HMGXB3: variants seen among roughly 807,000 people sequenced by gnomAD.
HMGXB3 encodes HMG-box containing 3.
HMGXB3 carries 45 observed loss-of-function variants against 121.5 expected under a neutral mutation model. The observed-to-expected ratio is 0.37, with a 90% CI of 0.29 to 0.47. The LOEUF is 0.47. Among genes scored for constraint, HMGXB3 ranks in the 20% least tolerant of loss-of-function variants. HMGXB3 has a pLI of 0.99. For synonymous variants in HMGXB3, 590 were observed against 624.1 expected, an observed-to-expected ratio of 0.95 and a Z score of 0.81; for missense variants, 1,376 against 1,602.2, an observed-to-expected ratio of 0.86 and a Z score of 2.41.
chr5:150,029,383 G>C (rs1229084112), intron 9 of HMGXB3, among the ~76,000 whole-genome samples: 1 of 151,124 alleles, frequency 6.6e-6, no homozygotes, highest in African/African-American at 2.4e-5. Flanking sequence ...TTATAATGAG[G>C]TTTGAGGGAG....
At chr5:150,002,916 G>A (rs1222839253) in intron 1 of HMGXB3, among the ~76,000 whole-genome samples, 1 of 152,192 alleles carries the variant, frequency 6.6e-6, no homozygotes, top group Non-Finnish European at 1.5e-5. Flanking sequence ...GCCAAGGCAG[G>A]AGGATTGCTT....
chr5:150,012,300 A>C lies in HMGXB3; in HGVS notation c.856A>C (p.Met286Leu), dbSNP rs956208478. The C allele has an allele frequency of 1.5e-5, 24 of 1,552,168 alleles. No homozygotes were observed. The highest frequency in any genetic ancestry group is 4.9e-5 in the East Asian group (2 of 40,914). The change falls in exon 5 of 20, where the codon ATG (methionine) becomes CTG (leucine). Residue 286 changes from methionine to leucine, a missense_variant. Met to Leu is a conservative substitution (Grantham distance 15). Around this residue, in one of 2 missense-constraint regions of HMGXB3, gnomAD observed 1,116 missense variants for 1,369.0 expected, o/e 0.82. Coordinates refer to ENST00000502717, the MANE Select transcript of HMGXB3 (RefSeq NM_014983.3). ...SSSAPATQFIMLPLPAYSVVE... is the reference protein window; with the variant it reads ...SSSAPATQFILLPLPAYSVVE... ...CTCTGCACCAGCCACACAGTTCATC[A>C]TGTTGCCTCTGCCTGCCTACTCGGT...
rs575298409 is a variant in HMGXB3 at position 150,010,245 on chromosome 5, A to G, written c.447A>G (p.Leu149=). The part of the protein sequence containing the change: ...QEDRSCPQLE[L]CVAQNQMSPK... The stretch of plus-strand genomic sequence containing the variant: ...ACCGGAGCTGCCCTCAGCTAGAGCT[A>G]TGTGTGGCTCAGAACCAGATGTCCC... The change falls in exon 4 of 20, where the codon CTA becomes CTG. Residue 149 remains leucine (L), a synonymous_variant. Transcript: ENST00000502717. 206 of 1,551,838 alleles carry G rather than the reference A, an allele frequency of 1.3e-4. 1 individual carries two copies. The South Asian group carries it at 2.2e-3, about 17-fold the overall frequency.
intron 16 of HMGXB3, among the ~76,000 whole-genome samples, chr5:150,046,681 G>A (rs1040127366): frequency 1.3e-5 from 2 of 152,018 alleles, no homozygotes; most frequent in African/African-American, 4.8e-5. Flanking sequence ...GCATGGTGGC[G>A]GGCGCCTGTA....
chr5:150,004,786 C>A, intron 1 of HMGXB3, 65 bp from the exon 2 acceptor site: 2 of 1,122,796 alleles, frequency 1.8e-6, no homozygotes, highest in Non-Finnish European at 1.3e-6. Flanking sequence ...GTTATTTGAT[C>A]AGGAAGCTGC....
At chr5:150,002,710 G>A (rs1755602391) in intron 1 of HMGXB3, among the ~76,000 whole-genome samples, 2 of 151,596 alleles carry the variant, frequency 1.3e-5, no homozygotes, top group Admixed American at 6.6e-5. Context: ...AGTTTTTTAT[G>A]CCTCTTTTCC....
intron 5 of HMGXB3, chr5:150,014,811 G>A: frequency 2.3e-6 from 1 of 438,668 alleles, no homozygotes; most frequent in Non-Finnish European, 4.1e-6. Context: ...TAACTTGGGA[G>A]GTGGGGGAAC....
intron 5 of HMGXB3, among the ~76,000 whole-genome samples, 188 bp downstream of exon 5, chr5:150,012,541 TGG>T (rs1377178333): frequency 6.6e-6 from 1 of 152,188 alleles, no homozygotes; most frequent in African/African-American, 2.4e-5. Context: ...ATGTTCTTAA[TGG>T]GGGTGAGGGG....
chr5:150,041,798 C>G lies in HMGXB3; in HGVS notation c.2559C>G (p.Thr853=). The change falls in exon 15 of 20, where the codon ACC becomes ACG. Residue 853 remains threonine, a synonymous_variant. Coordinates refer to ENST00000502717, the MANE Select transcript of HMGXB3 (RefSeq NM_014983.3). The stretch of plus-strand genomic sequence containing the variant: ...CTCTTCTTTCAGAGAAGACTCTGAC[C>G]TCGGAGGAGCTGAGCCAGCTGCAGG... ...SVQEQTEKTL[T]SEELSQLQEL... The G allele has an allele frequency of 6.4e-7, 1 of 1,551,316 alleles. No homozygotes were observed. The highest frequency in any genetic ancestry group is 1.2e-5 in the South Asian group (1 of 84,036).
Position 150,001,133 on chromosome 5 carries a change from C to G in HMGXB3, c.-49C>G, listed in dbSNP as rs1455778983. ...CATCCCCCTCGTCCAGCCGCCGGGC[C>G]AAGCGCCTCCGGGAATGTGAGCGGC... On this transcript the variant is annotated 5_prime_UTR_variant, in exon 1 of 20. Coordinates refer to ENST00000502717, the MANE Select transcript of HMGXB3 (RefSeq NM_014983.3). The G allele has an allele frequency of 1.3e-5, 2 of 153,842 alleles. No homozygotes were observed. The highest frequency in any genetic ancestry group is 2.4e-5 in the African/African-American group (1 of 41,524). 9.5% of individuals were successfully genotyped at this position (153,842 alleles called of 1,614,324 possible).
rs373532358 is a variant in HMGXB3 at position 150,040,920 on chromosome 5, G to T, written c.2545+41G>T. 10 of 1,487,566 alleles carry T rather than the reference G, an allele frequency of 6.7e-6. No homozygotes were observed. The East Asian group carries it at 1.0e-4, about 16-fold the overall frequency. The allele number at this position is 1,487,566 out of a possible 1,614,324, so 92.1% of individuals were successfully genotyped here. On this transcript the variant is annotated intron_variant, in intron 14 of 19. Coordinates refer to ENST00000502717, the MANE Select transcript of HMGXB3 (RefSeq NM_014983.3). The stretch of plus-strand genomic sequence containing the variant: ...TTCCCTTTCCCAAGGTTAGTCCTAA[G>T]CTCCCTCGGAATTTTCAGTGATGGC...
rs2113717029 is a variant in HMGXB3 at position 150,001,088 on chromosome 5, G to T, written c.-94G>T. The T allele has an allele frequency of 6.5e-6, 1 of 154,410 alleles. No individual in the cohort carries two copies. The highest frequency in any genetic ancestry group is 1.9e-4 in the East Asian group (1 of 5,170). 9.6% of individuals were successfully genotyped at this position (154,410 alleles called of 1,614,324 possible). ...CTGGAGCCGCCTCTCGCCGACAGCG[G>T]GGAGCGCGAGTGCGCCAGCCATCCC... On this transcript the variant is annotated 5_prime_UTR_variant, in exon 1 of 20. Transcript: ENST00000502717.
In HMGXB3 at chr5:150,024,489, C is replaced by G. The variant is rs61740534; in HGVS notation, c.1269C>G (p.Ala423=). Residue 423 remains alanine (A), a synonymous_variant, in exon 7 of 20, where the codon GCC becomes GCG. Transcript: ENST00000502717. Reference sequence around the variant, plus strand: ...GGGAGGAAGTGATCATCTCCGATGCCCATGTTTTGGTTAAGGAAGCTCCCG... The same window carrying G: ...GGGAGGAAGTGATCATCTCCGATGCGCATGTTTTGGTTAAGGAAGCTCCCG... ...SEWEEVIISD[A]HVLVKEAPGN... 2 of 1,551,516 alleles carry G rather than the reference C, an allele frequency of 1.3e-6. No individual in the cohort carries two copies. Among genetic ancestry groups the G allele is most frequent in the African/African-American group, 2.7e-5 (2 of 73,010 alleles).
chr5:150,021,081 T>C (rs1333015295), intron 6 of HMGXB3, among the ~76,000 whole-genome samples: 4 of 152,202 alleles, frequency 2.6e-5, no homozygotes, highest in African/African-American at 9.7e-5. Flanking sequence ...ATCAAGCTCA[T>C]GGCATGAAAA....
At position 150,051,866 on chromosome 5, in the gene HMGXB3, A is replaced by T; in HGVS notation, c.3553A>T (p.Ser1185Cys). Residue 1185 changes from serine to cysteine, a missense_variant, in exon 20 of 20, where the codon AGT becomes TGT. Physicochemically the swap from Ser to Cys is moderately radical, Grantham distance 112 (BLOSUM62 -1). Transcript: ENST00000502717. ...AGLQPNPGDPSAGHHSLALCP... is the reference protein window; with the variant it reads ...AGLQPNPGDPCAGHHSLALCP... ...CCTACAGCCCAATCCTGGTGACCCCAGTGCTGGGCACCACTCCTTGGCCCT... is the reference window on the plus strand; with the variant it reads ...CCTACAGCCCAATCCTGGTGACCCCTGTGCTGGGCACCACTCCTTGGCCCT... The T allele has an allele frequency of 6.4e-7, 1 of 1,551,266 alleles. No homozygotes were observed. The highest frequency in any genetic ancestry group is 8.7e-7 in the Non-Finnish European group (1 of 1,147,082).
chr5:150,037,425 T>C lies in HMGXB3; in HGVS notation c.2311T>C (p.Trp771Arg). 6.4e-7 allele frequency: 1 copy of C among 1,550,802 alleles called. No individual in the cohort carries two copies. Among genetic ancestry groups the C allele is most frequent in the South Asian group, 1.2e-5 (1 of 83,950 alleles). Residue 771 changes from tryptophan (W) to arginine (R), a missense_variant, in exon 13 of 20, where the codon TGG becomes CGG. By Grantham distance (101) the Trp-to-Arg change is moderately radical (BLOSUM62 -3). Around this residue, in one of 2 missense-constraint regions of HMGXB3, gnomAD observed 1,116 missense variants for 1,369.0 expected, o/e 0.82. Transcript: ENST00000502717. ...CTCCCTGGCTGGGCCCCAGGAGTGC[T>C]GGCTGCTGACAGCCAGCCGTCTGCA... Reference protein sequence around the residue: ...QNSLAGPQECWLLTASRLQTV... With the variant: ...QNSLAGPQECRLLTASRLQTV...
At chr5:150,006,681 C>T (rs1300729068) in intron 3 of HMGXB3, 34 bp downstream of exon 3, 2 of 1,539,704 alleles carry the variant, frequency 1.3e-6, no homozygotes, top group Admixed American at 3.9e-5. Flanking sequence ...ATTTTTTCCA[C>T]TGGTTCAGTG....
intron 2 of HMGXB3, among the ~76,000 whole-genome samples, chr5:150,005,626 G>T (rs373232170): frequency 6.9e-6 from 1 of 145,904 alleles, no homozygotes; most frequent in African/African-American, 2.5e-5. Flanking sequence ...AAAAGAAAAA[G>T]AAAAAAAACA....
intron 13 of HMGXB3, 108 bp downstream of exon 13, chr5:150,037,635 C>T: frequency 1.0e-6 from 1 of 979,556 alleles, no homozygotes; most frequent in Non-Finnish European, 1.3e-6. Flanking sequence ...TCAGATGGGG[C>T]TTCTGAGGAA....
Sources: allele counts gnomAD v4.1 joint callset (sites outside exome capture counted in the v4.1 genomes callset), GRCh38; gene constraint gnomAD v4.1.1; regional missense constraint gnomAD v4.1.1; transcripts MANE v1.5; gene names NCBI Gene and HGNC (gene_info 2026-07-23, HGNC 2026-07-21).